The following SULF1 variants were observed in gnomAD, a reference collection of about 807,000 sequenced individuals.
SULF1 encodes extracellular sulfatase Sulf-1.
SULF1 carries 46 observed loss-of-function variants against 110.5 expected under a neutral mutation model. That is an observed-to-expected ratio of 0.42 (90% CI 0.33 to 0.53). SULF1 has a LOEUF of 0.53. Among genes scored for constraint, SULF1 ranks in the 20% least tolerant of loss-of-function variants. The pLI is 0.12. For synonymous variants in SULF1, 371 were observed against 387.1 expected (o/e 0.96, Z 0.49); for missense variants, 941 against 1,094.2 (o/e 0.86, Z 1.98).
chr8:69,571,135 G>T (rs1346657799), intron 5 of SULF1, among the ~76,000 whole-genome samples: 2 of 152,232 alleles, frequency 1.3e-5, no homozygotes, highest in East Asian at 1.9e-4. Flanking sequence ...TTACAGCATA[G>T]AAAAGGTAGT....
intron 1 of SULF1, among the ~76,000 whole-genome samples, chr8:69,470,077 T>C (rs2150528741): frequency 6.6e-6 from 1 of 152,268 alleles, no homozygotes; most frequent in Non-Finnish European, 1.5e-5. Context: ...AGATTTCTGA[T>C]ACTGAGCTAT....
At chr8:69,642,681 T>C (rs1811573391) in intron 22 of SULF1, among the ~76,000 whole-genome samples, 1 of 152,166 alleles carries the variant, frequency 6.6e-6, no homozygotes, top group Admixed American at 6.5e-5. Flanking sequence ...GCACTCAATT[T>C]ATAGCTAAGG....
intron 6 of SULF1, among the ~76,000 whole-genome samples, chr8:69,583,761 C>T (rs919443120): frequency 3.3e-5 from 5 of 152,102 alleles, no homozygotes; most frequent in Non-Finnish European, 5.9e-5. Context: ...CCTCAAAAAG[C>T]TTACAGTCTA....
chr8:69,560,089 G>A (rs944306118), intron 3 of SULF1, among the ~76,000 whole-genome samples: 1 of 152,074 alleles, frequency 6.6e-6, no homozygotes, highest in African/African-American at 2.4e-5. Flanking sequence ...AGGGTCACAG[G>A]GTCCTCCAAA....
rs116357919 is a variant in SULF1 at position 69,486,517 on chromosome 8, C to T, written c.-390-9248C>T. 4.6e-3 allele frequency among the ~76,000 whole-genome samples: 700 copies of T among 152,146 alleles called. 6 individuals are homozygous for T. Among genetic ancestry groups the T allele is most frequent in the African/African-American group, 0.015 (641 of 41,494 alleles). ...TTTTCCAGACTAATTAAATTTCCTA[C>T]GCTGGTAAAGTGCTTCTTCCCACAG... is the stretch of plus-strand genomic sequence containing the variant. On this transcript the variant is annotated intron_variant, in intron 1 of 22. Coordinates refer to the SULF1 transcript ENST00000260128.
At position 69,499,861 on chromosome 8, in the gene SULF1, C is replaced by T. The variant is rs139353075; in HGVS notation, c.-228-2013C>T. Among the ~76,000 whole-genome samples, 9 of 152,118 alleles carry T rather than the reference C, an allele frequency of 5.9e-5. No individual in the cohort carries two copies. The East Asian group carries it at 7.7e-4, about 13-fold the overall frequency. ...AACACCTGGGCTCAAGTAATCCTAC[C>T]GCCTCAGCCTCCCAAGTAGCTGATA... On this transcript the variant is annotated intron_variant, in intron 2 of 22. Transcript: ENST00000402687.
chr8:69,620,137 G>T (rs1809488910), intron 13 of SULF1, among the ~76,000 whole-genome samples: 1 of 152,086 alleles, frequency 6.6e-6, no homozygotes, highest in African/African-American at 2.4e-5. Flanking sequence ...CCCCAGTTTG[G>T]CCGCTGGATG....
At chr8:69,597,381 A>G (rs146576174) in intron 8 of SULF1, 4 of 152,136 alleles carry the variant, frequency 2.6e-5, no homozygotes, top group African/African-American at 9.6e-5. Context: ...GCACATGCAC[A>G]CTCTGTCCCT....
chr8:69,512,372 C>G (rs1329513856), intron 3 of SULF1, among the ~76,000 whole-genome samples: 1 of 152,192 alleles, frequency 6.6e-6, no homozygotes, highest in African/African-American at 2.4e-5. Flanking sequence ...AAATGAACAA[C>G]AGGGCCATGG....
chr8:69,545,658 G>T (rs566183167), intron 3 of SULF1, among the ~76,000 whole-genome samples: 2 of 151,848 alleles, frequency 1.3e-5, no homozygotes, highest in Non-Finnish European at 2.9e-5. Context: ...GGTTTTTTGG[G>T]TTTTTTTGTT....
chr8:69,502,261 C>T (rs1242210789), intron 3 of SULF1, among the ~76,000 whole-genome samples: 1 of 152,146 alleles, frequency 6.6e-6, no homozygotes, highest in Non-Finnish European at 1.5e-5. Flanking sequence ...TTATGAGCTG[C>T]TCAGGAAGGA....
At chr8:69,628,311 G>A in intron 18 of SULF1, 75 bp downstream of exon 18, 1 of 1,289,648 alleles carries the variant, frequency 7.8e-7, no homozygotes, top group East Asian at 2.3e-5. Context: ...AGGCTGGAGG[G>A]ACCCCTGTGT....
At chr8:69,500,411 A>G (rs2150570529) in intron 2 of SULF1, among the ~76,000 whole-genome samples, 1 of 152,302 alleles carries the variant, frequency 6.6e-6, no homozygotes, top group East Asian at 1.9e-4. Flanking sequence ...ATAGCCTGGT[A>G]TTCCGGCATC....
At chr8:69,470,244 A>G (rs190388014) in intron 1 of SULF1, among the ~76,000 whole-genome samples, 3 of 152,270 alleles carry the variant, frequency 2.0e-5, no homozygotes, top group Admixed American at 2.0e-4. Flanking sequence ...CAGACTCTAA[A>G]TAGATGGTCG....
At chr8:69,630,582 G>A (rs1040504444) in intron 19 of SULF1, among the ~76,000 whole-genome samples, 6 of 152,162 alleles carry the variant, frequency 3.9e-5, no homozygotes, top group South Asian at 2.1e-4. Flanking sequence ...CATCGAGGCC[G>A]AATGAACTCT....
intron 17 of SULF1, 59 bp from the exon 18 acceptor site, chr8:69,628,112 G>T: frequency 7.2e-7 from 1 of 1,398,166 alleles, no homozygotes; most frequent in South Asian, 1.2e-5. Flanking sequence ...TTTATAAAAT[G>T]AACACTTTGA....
intron 3 of SULF1, among the ~76,000 whole-genome samples, chr8:69,550,546 G>A (rs1037962137): frequency 5.3e-5 from 8 of 152,106 alleles, no homozygotes; most frequent in African/African-American, 1.9e-4. Context: ...GAGGAATGAA[G>A]GAGGAGCTGG....
intron 5 of SULF1, among the ~76,000 whole-genome samples, chr8:69,573,902 T>TA (rs1029681729): frequency 2.4e-4 from 36 of 152,330 alleles, no homozygotes; most frequent in African/African-American, 7.5e-4. Context: ...TTCAAGGTGT[T>TA]AGCCAACTCC....
chr8:69,585,798 G>A (rs1318345935), intron 6 of SULF1, among the ~76,000 whole-genome samples: 1 of 152,134 alleles, frequency 6.6e-6, no homozygotes, highest in Non-Finnish European at 1.5e-5. Flanking sequence ...CTATACATGT[G>A]ATATAAACCC....
Sources: allele counts gnomAD v4.1 joint callset (sites outside exome capture counted in the v4.1 genomes callset), GRCh38; gene constraint gnomAD v4.1.1; transcripts MANE v1.5; gene names NCBI Gene and HGNC (gene_info 2026-07-23, HGNC 2026-07-21).